The following ATP7A variants were observed in gnomAD, a reference collection of about 807,000 sequenced individuals.
ATP7A encodes copper-transporting ATPase 1.
Under a neutral mutation model 83.5 loss-of-function variants are expected in ATP7A, and 7 were observed. The observed-to-expected ratio is 0.08, with a 90% confidence interval of 0.05 to 0.16. The LOEUF is 0.16. Among genes scored for constraint, ATP7A ranks in the 10% least tolerant of loss-of-function variants. The pLI is 1.00. For missense variants in ATP7A, 940 were observed against 1,120.8 expected (o/e 0.84, Z 2.30); for synonymous variants, 354 against 395.2 (o/e 0.90, Z 1.24).
chrX:78,039,376 C>G (rs1320695401), intron 18 of ATP7A, among the ~76,000 whole-genome samples: 3 of 110,988 alleles, frequency 2.7e-5, no homozygotes, highest in African/African-American at 9.8e-5. Context: ...TCTTGTTGCC[C>G]AAACTGGAGT....
chrX:77,973,084 G>T lies in ATP7A; in HGVS notation c.120+1323G>T, dbSNP rs782398377. Among the ~76,000 whole-genome samples the T allele has an allele frequency of 3.0e-4, 33 of 110,650 alleles. No homozygotes were observed. In the South Asian group the frequency reaches 0.012, roughly 40 times the overall value. ...GTGATCTGCAGGCCAAACCCAGTTT[G>T]CCAACTGCTTTCATATGGCTCATAA... On this transcript the variant is annotated intron_variant, in intron 2 of 22. Coordinates refer to ENST00000341514, the MANE Select transcript of ATP7A (RefSeq NM_000052.7).
intron 2 of ATP7A, among the ~76,000 whole-genome samples, chrX:77,981,195 A>G (rs782701255): frequency 1.8e-5 from 2 of 111,422 alleles, no homozygotes; most frequent in Non-Finnish European, 1.9e-5. Flanking sequence ...ATGACAGTGC[A>G]TTGAATATTC....
At position 78,050,203 on chromosome X, in the gene ATP7A, T is replaced by C. The variant is rs1240360722; in HGVS notation, c.*3633T>C. On this transcript the variant is annotated 3_prime_UTR_variant, in exon 23 of 23. Transcript: ENST00000341514. ...ACCAGGCGTCTCAACCTTACGTTTT[T>C]AGTTAAAGAAATGTTTAGCTAAACG... 8.9e-6 allele frequency: 1 copy of C among 112,261 alleles called. No individual in the cohort carries two copies. Among genetic ancestry groups the C allele is most frequent in the Non-Finnish European group, 1.9e-5 (1 of 53,212 alleles). 9.3% of individuals were successfully genotyped at this position (112,261 alleles called of 1,213,427 possible).
At chrX:77,990,657 G>T (rs1321202033) in intron 4 of ATP7A, among the ~76,000 whole-genome samples, 1 of 112,044 alleles carries the variant, frequency 8.9e-6, no homozygotes, top group Non-Finnish European at 1.9e-5. Context: ...TTTCCTGACA[G>T]CTCTTACCTT....
At chrX:78,045,041 A>T (rs1467888842) in intron 21 of ATP7A, among the ~76,000 whole-genome samples, 1 of 112,553 alleles carries the variant, frequency 8.9e-6, no homozygotes, top group Non-Finnish European at 1.9e-5. Context: ...AGTTAAAAGT[A>T]TGAGTCTATT....
intron 1 of ATP7A, among the ~76,000 whole-genome samples, chrX:77,911,627 AG>A (rs1387180557): frequency 2.8e-5 from 3 of 108,057 alleles, no homozygotes; most frequent in Non-Finnish European, 5.8e-5. Flanking sequence ...AATAAGACAG[AG>A]TTCCTGGCCT....
chrX:77,981,311 A>G (rs1456472957), intron 2 of ATP7A, among the ~76,000 whole-genome samples: 1 of 111,639 alleles, frequency 9.0e-6, no homozygotes, highest in Non-Finnish European at 1.9e-5. Flanking sequence ...GAAGATGTCG[A>G]GTCAGCTTCA....
Position 77,989,771 on chromosome X carries a change from T to C in ATP7A, c.1149T>C (p.Ile383=). ...QPLTQETVIN[I]DGMTCNSCVQ... ...TGACACAAGAAACTGTGATAAACAT[T>C]GATGGCATGACTTGTAATTCCTGTG... Residue 383 remains isoleucine (I), a synonymous_variant, in exon 4 of 23, where the codon ATT becomes ATC. Coordinates refer to ENST00000341514, the MANE Select transcript of ATP7A (RefSeq NM_000052.7). 8.3e-7 allele frequency: 1 copy of C among 1,211,361 alleles called. No individual in the cohort carries two copies. The highest frequency in any genetic ancestry group is 1.1e-6 in the Non-Finnish European group (1 of 895,169).
At chrX:77,981,724 A>G (rs1472491872) in intron 2 of ATP7A, among the ~76,000 whole-genome samples, 1 of 112,026 alleles carries the variant, frequency 8.9e-6, no homozygotes, top group East Asian at 2.8e-4. Flanking sequence ...CAGTTTAAAG[A>G]TGGTTTAGTT....
intron 1 of ATP7A, among the ~76,000 whole-genome samples, chrX:77,930,985 C>CTTTTTTTTTTTTTTTTTTTTTTTCTTT (rs1180844779): frequency 2.9e-5 from 1 of 34,965 alleles, no homozygotes; most frequent in Non-Finnish European, 5.4e-5. Flanking sequence ...TAGGAACATT[C>CTTTTTTTTTTTTTTTTTTTTTTTCTTT]TTTTTTTTTT....
chrX:77,985,432 C>T (rs1466883589), intron 2 of ATP7A, among the ~76,000 whole-genome samples: 1 of 110,153 alleles, frequency 9.1e-6, no homozygotes, highest in Non-Finnish European at 1.9e-5. Flanking sequence ...TAAGATGTAC[C>T]GGATACAACG....
Position 78,040,715 on chromosome X carries a change from T to C in ATP7A, c.3783T>C (p.Ala1261=). 4 of 1,211,017 alleles carry C rather than the reference T, an allele frequency of 3.3e-6. No individual in the cohort carries two copies. Among genetic ancestry groups the C allele is most frequent in the Non-Finnish European group, 4.5e-6 (4 of 894,769 alleles). ...TGACTGGAGACAACAGTAAAACAGC[T>C]AGATCTATTGCTTCTCAGGTAATTG... ...VLMTGDNSKT[A]RSIASQVGIT... Residue 1261 remains alanine (A), a synonymous_variant, in exon 19 of 23, where the codon GCT becomes GCC. Coordinates refer to ENST00000341514, the MANE Select transcript of ATP7A (RefSeq NM_000052.7).
At chrX:78,024,242 T>C (rs1052125063) in intron 14 of ATP7A, among the ~76,000 whole-genome samples, 15 of 112,350 alleles carry the variant, frequency 1.3e-4, no homozygotes, top group African/African-American at 4.5e-4. Flanking sequence ...GCCTCTAGTT[T>C]TATTCTTTTT....
chrX:78,033,630 C>T lies in ATP7A; in HGVS notation c.3320C>T (p.Thr1107Ile). 5 of 1,211,510 alleles carry T rather than the reference C, an allele frequency of 4.1e-6. No individual in the cohort carries two copies. The highest frequency in any genetic ancestry group is 5.6e-6 in the Non-Finnish European group (5 of 895,380). The change falls in exon 17 of 23, where the codon ACC (threonine) becomes ATC (isoleucine). Residue 1107 changes from threonine to isoleucine, a missense_variant. By Grantham distance (89) the Thr-to-Ile change is moderately conservative. This residue lies in a region of ATP7A where 386 missense variants were observed against 502.2 expected (regional missense o/e 0.77). Transcript: ENST00000341514. ...GAGCTGGACACTGAAACCTTGGGTA[C>T]CTGCATAGATTTCCAGGTTGTGCCA... Reference protein sequence around the residue: ...KQELDTETLGTCIDFQVVPGC... With the variant: ...KQELDTETLGICIDFQVVPGC...
intron 9 of ATP7A, among the ~76,000 whole-genome samples, chrX:78,011,925 A>C (rs782312604): frequency 3.6e-4 from 39 of 109,064 alleles, no homozygotes; most frequent in Non-Finnish European, 5.3e-4. Flanking sequence ...ACTTTATTTT[A>C]TTTTTAAATT....
chrX:78,012,327 A>G (rs2077832723), intron 9 of ATP7A, among the ~76,000 whole-genome samples: 1 of 112,005 alleles, frequency 8.9e-6, no homozygotes, highest in Admixed American at 9.6e-5. Context: ...TATATTTACC[A>G]ACAAAAACGG....
At chrX:77,941,604 A>G (rs1161970568) in intron 1 of ATP7A, among the ~76,000 whole-genome samples, 1 of 111,796 alleles carries the variant, frequency 8.9e-6, no homozygotes, top group Admixed American at 9.5e-5. Context: ...GCAAAATAGT[A>G]CATATAGTAT....
intron 1 of ATP7A, among the ~76,000 whole-genome samples, chrX:77,955,107 A>G (rs782786615): frequency 3.8e-5 from 4 of 105,498 alleles, no homozygotes; most frequent in African/African-American, 1.0e-4. Flanking sequence ...CTCTCAAGTC[A>G]CTCCTCTCCC....
intron 1 of ATP7A, among the ~76,000 whole-genome samples, chrX:77,915,348 C>T (rs2077179789): frequency 9.2e-6 from 1 of 108,126 alleles, no homozygotes; most frequent in South Asian, 4.2e-4. Context: ...AAAAGCCTGT[C>T]TTGTCTGGCT....
Sources: allele counts gnomAD v4.1 joint callset (sites outside exome capture counted in the v4.1 genomes callset), GRCh38; gene constraint gnomAD v4.1.1; regional missense constraint gnomAD v4.1.1; transcripts MANE v1.5; gene names NCBI Gene and HGNC (gene_info 2026-07-23, HGNC 2026-07-21).